The following TENM2 variants were observed in gnomAD, a reference collection of about 807,000 sequenced individuals.
TENM2 encodes the protein teneurin transmembrane protein 2.
In TENM2, 52 loss-of-function variants were observed where a neutral mutation model predicts 245.2. That is an observed-to-expected ratio of 0.21 (90% CI 0.17 to 0.27). TENM2 has a LOEUF of 0.27. Among genes scored for constraint, TENM2 ranks in the 10% least tolerant of loss-of-function variants. The pLI is 1.00. For synonymous variants in TENM2, 1,363 were observed against 1,438.9 expected, an observed-to-expected ratio of 0.95 and a Z score of 1.19; for missense variants, 3,046 against 3,666.8, an observed-to-expected ratio of 0.83 and a Z score of 4.37.
At chr5:168,128,451 A>T (rs1014713429) in intron 12 of TENM2, among the ~76,000 whole-genome samples, 3 of 152,150 alleles carry the variant, frequency 2.0e-5, no homozygotes, top group Non-Finnish European at 4.4e-5. Flanking sequence ...TCCCCTCAAA[A>T]GCTCTTGCCA....
chr5:167,273,827 T>C, the TENM2 span, among the ~76,000 whole-genome samples: 1 of 152,120 alleles, frequency 6.6e-6, no homozygotes, highest in Non-Finnish European at 1.5e-5. Flanking sequence ...TAGTTTAAAA[T>C]TGTAAATGAC....
chr5:168,161,809 C>T (rs995125339), intron 12 of TENM2, among the ~76,000 whole-genome samples: 6 of 112,362 alleles, frequency 5.3e-5, no homozygotes, highest in Non-Finnish European at 3.5e-5. Flanking sequence ...GACACGTGAG[C>T]GCATGTATAC....
At chr5:167,445,753 G>A (rs189060358) in intron 2 of TENM2, among the ~76,000 whole-genome samples, 1 of 152,124 alleles carries the variant, frequency 6.6e-6, no homozygotes, top group Non-Finnish European at 1.5e-5. Context: ...TTGTCTGGGA[G>A]ATGGAAAGTT....
intron 12 of TENM2, among the ~76,000 whole-genome samples, chr5:168,156,226 G>A (rs1341245453): frequency 8.5e-6 from 1 of 118,054 alleles, no homozygotes; most frequent in Non-Finnish European, 1.7e-5. Flanking sequence ...CTCCAAACCA[G>A]GTTAAGGTTT....
chr5:167,672,851 T>C (rs1474039009), intron 2 of TENM2, among the ~76,000 whole-genome samples: 1 of 148,632 alleles, frequency 6.7e-6, no homozygotes, highest in Admixed American at 6.8e-5. Flanking sequence ...TTGCTAAGGA[T>C]AGCTAATGAA....
chr5:167,199,955 C>A, the TENM2 span, among the ~76,000 whole-genome samples: 1 of 152,056 alleles, frequency 6.6e-6, no homozygotes, highest in African/African-American at 2.4e-5. Context: ...TTTGTCCCAA[C>A]ACTGAGTAGA....
intron 27 of TENM2, among the ~76,000 whole-genome samples, chr5:168,255,134 G>A (rs1767534017): frequency 6.6e-6 from 1 of 152,044 alleles, no homozygotes; most frequent in African/African-American, 2.4e-5. Flanking sequence ...CCCTATCCCT[G>A]GTGAAAGATG....
chr5:167,305,741 A>G (rs549252630), intron 1 of TENM2, among the ~76,000 whole-genome samples: 2 of 152,362 alleles, frequency 1.3e-5, no homozygotes, highest in Admixed American at 6.5e-5. Context: ...TGAAATGAAC[A>G]GAAGGCATCT....
chr5:167,592,478 G>GC (rs1775944361), intron 2 of TENM2, among the ~76,000 whole-genome samples: 1 of 152,164 alleles, frequency 6.6e-6, no homozygotes, highest in Admixed American at 6.5e-5. Context: ...GAACAAGGCA[G>GC]CCCAGAGCCT....
At chr5:168,211,596 C>G in intron 19 of TENM2, 138 bp from the exon 22 acceptor site, 1 of 582,108 alleles carries the variant, frequency 1.7e-6, no homozygotes, top group South Asian at 1.9e-5. Context: ...CAGGAGTTGT[C>G]AGTTACAGGG....
intron 1 of TENM2, 149 bp from the exon 4 acceptor site, chr5:167,375,049 A>T: frequency 1.3e-6 from 1 of 752,108 alleles, no homozygotes; most frequent in Non-Finnish European, 2.1e-6. Flanking sequence ...TGTCCTGAAT[A>T]CTCTTGTCCA....
At chr5:167,742,859 T>C (rs1408084897) in intron 2 of TENM2, among the ~76,000 whole-genome samples, 1 of 151,434 alleles carries the variant, frequency 6.6e-6, no homozygotes, top group African/African-American at 2.4e-5. Context: ...TCCCAGCTAC[T>C]CAGGAGGCTA....
At chr5:167,310,903 A>G (rs1284711012) in intron 1 of TENM2, among the ~76,000 whole-genome samples, 1 of 152,206 alleles carries the variant, frequency 6.6e-6, no homozygotes. Context: ...ACCTAAATGA[A>G]CCTGCAACAG....
chr5:168,092,488 C>T (rs1397517050), intron 8 of TENM2, among the ~76,000 whole-genome samples: 2 of 152,224 alleles, frequency 1.3e-5, no homozygotes, highest in East Asian at 1.9e-4. Context: ...TAAATCCTTA[C>T]TCTCTGTCCC....
chr5:167,515,675 A>ATATACACATATATACATATATATG (rs1389957254), intron 2 of TENM2, among the ~76,000 whole-genome samples: 1 of 148,596 alleles, frequency 6.7e-6, no homozygotes, highest in African/African-American at 2.5e-5. Context: ...ATATGTGTAT[A>ATATACACATATATACATATATATG]TATATTTTGA....
At chr5:168,047,296 C>G (rs1187235599) in intron 5 of TENM2, 131 bp from the exon 8 acceptor site, 1 of 1,028,572 alleles carries the variant, frequency 9.7e-7, no homozygotes, top group Non-Finnish European at 1.5e-6. Context: ...TCCCTGTGGC[C>G]TGGGGCAAGC....
the TENM2 span, among the ~76,000 whole-genome samples, chr5:167,275,337 A>C: frequency 6.6e-6 from 1 of 152,168 alleles, no homozygotes; most frequent in Non-Finnish European, 1.5e-5. Context: ...TGTTTTAGCT[A>C]TTCCAGTTCT....
chr5:167,305,175 G>A lies in TENM2; in HGVS notation c.226+20112G>A, dbSNP rs114936930. 8.2e-3 allele frequency among the ~76,000 whole-genome samples: 1,242 copies of A among 152,242 alleles called. 6 individuals carry two copies. Among genetic ancestry groups the A allele is most frequent in the Non-Finnish European group, 0.014 (922 of 68,012 alleles). ...TGGATATTGGAAGGCAAGGTTTTTCGTTCAGGTTTGCCTGAATCTCCCACT... is the reference window on the plus strand; with the variant it reads ...TGGATATTGGAAGGCAAGGTTTTTCATTCAGGTTTGCCTGAATCTCCCACT... On this transcript the variant is annotated intron_variant, in intron 1 of 28. Coordinates refer to ENST00000518659, the Ensembl canonical transcript of TENM2.
chr5:168,235,912 T>A (rs1765388412), intron 25 of TENM2, among the ~76,000 whole-genome samples: 1 of 152,144 alleles, frequency 6.6e-6, no homozygotes. Flanking sequence ...AAATGACATT[T>A]GAACTGAGAA....
Sources: allele counts gnomAD v4.1 joint callset (sites outside exome capture counted in the v4.1 genomes callset), GRCh38; gene constraint gnomAD v4.1.1; transcripts MANE v1.5; gene names NCBI Gene and HGNC (gene_info 2026-07-23, HGNC 2026-07-21).